Variants in DOCK7 observed in about 807,000 individuals in gnomAD.
The protein encoded by DOCK7 is dedicator of cytokinesis protein 7.
Under a neutral mutation model 271.0 loss-of-function variants are expected in DOCK7, and 138 were observed. The observed-to-expected ratio is 0.51, with a 90% CI of 0.44 to 0.59. DOCK7 has a LOEUF of 0.59. Ranked by LOEUF, DOCK7 falls within the 20% of genes least tolerant of loss-of-function variation. The pLI is 0.00. For missense variants in DOCK7, 2,066 were observed against 2,592.4 expected (o/e 0.80, Z 4.41); for synonymous variants, 823 against 876.1 (o/e 0.94, Z 1.07).
chr1:62,645,031 TAAA>T (rs1368677485), intron 7 of DOCK7, among the ~76,000 whole-genome samples: 1 of 151,866 alleles, frequency 6.6e-6, no homozygotes, highest in African/African-American at 2.4e-5. Context: ...ATGGTTATGA[TAAA>T]AAAAACAGAT....
chr1:62,458,152 C>CGGTGTGT (rs1256465825), intron 48 of DOCK7: 1 of 116,474 alleles, frequency 8.6e-6, no homozygotes, highest in African/African-American at 3.8e-5. Flanking sequence ...CTGTCTCAAA[C>CGGTGTGT]GTGGGTGTGT....
chr1:62,685,684 T>C (rs1337904865), intron 1 of DOCK7, among the ~76,000 whole-genome samples: 3 of 152,188 alleles, frequency 2.0e-5, no homozygotes, highest in Non-Finnish European at 4.4e-5. Context: ...AAAATTAACA[T>C]GTCCAAAACT....
At chr1:62,649,227 T>A (rs1031438430) in intron 4 of DOCK7, among the ~76,000 whole-genome samples, 1 of 152,156 alleles carries the variant, frequency 6.6e-6, no homozygotes, top group Non-Finnish European at 1.5e-5. Flanking sequence ...CAACACTTCA[T>A]AGAGCCAAAC....
At chr1:62,637,560 T>A (rs138963992) in intron 7 of DOCK7, among the ~76,000 whole-genome samples, 4 of 152,140 alleles carry the variant, frequency 2.6e-5, no homozygotes, top group African/African-American at 4.8e-5. Flanking sequence ...CAAAGAACCA[T>A]CTAGACAAAA....
chr1:62,543,457 C>T (rs1571474504), intron 24 of DOCK7, 199 bp downstream of exon 24: 2 of 394,938 alleles, frequency 5.1e-6, no homozygotes, highest in East Asian at 7.3e-5. Context: ...AAGATATAAA[C>T]ATTATCATAA....
intron 37 of DOCK7, 44 bp from the exon 38 acceptor site, chr1:62,496,541 C>T: frequency 6.6e-7 from 1 of 1,518,090 alleles, no homozygotes; most frequent in Non-Finnish European, 8.8e-7. Context: ...TATAGAAAAG[C>T]TTTAAAAAGT....
At chr1:62,473,046 T>C (rs903455013) in intron 48 of DOCK7, among the ~76,000 whole-genome samples, 1 of 152,180 alleles carries the variant, frequency 6.6e-6, no homozygotes, top group Admixed American at 6.5e-5. Flanking sequence ...TGGTATTCTT[T>C]CAGTGCAATA....
At chr1:62,557,593 G>A (rs1009046282) in intron 20 of DOCK7, among the ~76,000 whole-genome samples, 17 of 142,336 alleles carry the variant, frequency 1.2e-4, no homozygotes, top group African/African-American at 4.0e-4. Context: ...GTAATTTCAC[G>A]AGTAGACATT....
intron 48 of DOCK7, among the ~76,000 whole-genome samples, chr1:62,466,440 G>A (rs1645680088): frequency 1.3e-5 from 2 of 152,160 alleles, no homozygotes; most frequent in Non-Finnish European, 2.9e-5. Context: ...AAAGCTTCTG[G>A]TTGAACAACA....
intron 1 of DOCK7, among the ~76,000 whole-genome samples, chr1:62,675,734 G>A (rs1176201757): frequency 6.6e-6 from 1 of 151,636 alleles, no homozygotes; most frequent in East Asian, 1.9e-4. Flanking sequence ...GCAATGAGCC[G>A]AGATCGCGCC....
At chr1:62,613,930 A>C (rs570155266) in intron 14 of DOCK7, among the ~76,000 whole-genome samples, 1 of 152,252 alleles carries the variant, frequency 6.6e-6, no homozygotes, top group South Asian at 2.1e-4. Flanking sequence ...AGGGATAACC[A>C]CATTGGTTCT....
At chr1:62,673,347 C>CAA (rs1660211729) in intron 1 of DOCK7, among the ~76,000 whole-genome samples, 1 of 152,088 alleles carries the variant, frequency 6.6e-6, no homozygotes, top group Admixed American at 6.6e-5. Flanking sequence ...TTAGAAAGCA[C>CAA]TGTATTAAGG....
At chr1:62,510,322 T>A (rs1280870291) in intron 34 of DOCK7, among the ~76,000 whole-genome samples, 4 of 152,222 alleles carry the variant, frequency 2.6e-5, no homozygotes, top group Admixed American at 2.6e-4. Flanking sequence ...AGTTGCTGAA[T>A]GCATTTTCCA....
intron 18 of DOCK7, among the ~76,000 whole-genome samples, chr1:62,572,455 A>G (rs543327923): frequency 1.2e-4 from 19 of 152,330 alleles, no homozygotes; most frequent in Admixed American, 1.2e-3. Context: ...TGAGGCACAG[A>G]AAGTGTCTTA....
chr1:62,505,000 G>C (rs1168069745), intron 36 of DOCK7, among the ~76,000 whole-genome samples: 2 of 152,178 alleles, frequency 1.3e-5, no homozygotes, highest in African/African-American at 4.8e-5. Context: ...CCTTGGACAA[G>C]TTTTCTCATC....
At position 62,457,615 on chromosome 1, in the gene DOCK7, A is replaced by G; in HGVS notation, c.6303T>C (p.Leu2101=). ...QRELERNYHR[L]KEALQPLINR... Reference sequence around the variant, plus strand: ...TGATCAGTGGCTGTAGGGCCTCTTTAAGGCGATGATAGTTTCTCTCCAGTT... The same window carrying G: ...TGATCAGTGGCTGTAGGGCCTCTTTGAGGCGATGATAGTTTCTCTCCAGTT... The change falls in exon 49 of 50, where the codon CTT becomes CTC. Residue 2101 remains leucine, a synonymous_variant. Transcript: ENST00000635253. The G allele has an allele frequency of 6.2e-7, 1 of 1,614,148 alleles. No homozygotes were observed. The highest frequency in any genetic ancestry group is 8.5e-7 in the Non-Finnish European group (1 of 1,180,030).
intron 7 of DOCK7, chr1:62,638,306 A>G (rs984714684): frequency 6.6e-5 from 10 of 152,206 alleles, no homozygotes; most frequent in African/African-American, 2.4e-4. Context: ...GTCCATTTTA[A>G]TGAAGTAAAA....
At chr1:62,642,382 G>T (rs1656143662) in intron 7 of DOCK7, among the ~76,000 whole-genome samples, 1 of 152,074 alleles carries the variant, frequency 6.6e-6, no homozygotes, top group African/African-American at 2.4e-5. Flanking sequence ...GGGATTATAG[G>T]CGTGAGCCAC....
intron 14 of DOCK7, chr1:62,602,300 T>C (rs1380835664): frequency 3.7e-6 from 6 of 1,609,704 alleles, no homozygotes; most frequent in Non-Finnish European, 4.2e-6. Context: ...CCATGGACAT[T>C]AATTCAACAT....
Sources: gnomAD v4.1 joint callset for allele counts (sites outside exome capture counted in the v4.1 genomes callset) on GRCh38, gnomAD v4.1.1 for gene constraint, MANE v1.5 for transcripts, NCBI Gene and HGNC (gene_info 2026-07-23, HGNC 2026-07-21) for gene names.